The following ZDHHC2 variants were observed in gnomAD, a reference collection of about 807,000 sequenced individuals.
ZDHHC2 encodes zDHHC palmitoyltransferase 2.
A neutral mutation model predicts 55.6 loss-of-function variants in ZDHHC2; 51 were observed. The ratio of observed to expected loss-of-function variants is 0.92; its 90% CI spans 0.73 to 1.16. The LOEUF is 1.16. Among genes scored for constraint, ZDHHC2 ranks in the 50% most tolerant of loss-of-function variants. ZDHHC2 has a pLI of 0.00. For synonymous variants in ZDHHC2, 199 were observed against 152.9 expected, an observed-to-expected ratio of 1.30 and a Z score of -2.22; for missense variants, 491 against 442.4, an observed-to-expected ratio of 1.11 and a Z score of -0.99.
intron 10 of ZDHHC2, among the ~76,000 whole-genome samples, chr8:17,211,513 C>T (rs1235762286): frequency 1.3e-5 from 2 of 152,072 alleles, no homozygotes; most frequent in Admixed American, 1.3e-4. Flanking sequence ...AGTTTTGAGA[C>T]AGGGTCTCTC....
At chr8:17,203,915 G>T (rs1307016133) in intron 6 of ZDHHC2, among the ~76,000 whole-genome samples, 1 of 147,482 alleles carries the variant, frequency 6.8e-6, no homozygotes, top group African/African-American at 2.5e-5. Context: ...TCAAGCGATT[G>T]TCCTGCCTCG....
intron 1 of ZDHHC2, among the ~76,000 whole-genome samples, chr8:17,176,903 A>G (rs1248950722): frequency 6.6e-6 from 1 of 152,190 alleles, no homozygotes; most frequent in Non-Finnish European, 1.5e-5. Context: ...TAAAGAAAAT[A>G]AATTCAAAAA....
chr8:17,199,572 T>TCCCTCC (rs1286212288), intron 6 of ZDHHC2, among the ~76,000 whole-genome samples: 5 of 76,462 alleles, frequency 6.5e-5, no homozygotes, highest in African/African-American at 1.7e-4. Flanking sequence ...TTCTTCGTCT[T>TCCCTCC]TGTCTTCTTC....
At chr8:17,209,876 G>T in intron 8 of ZDHHC2, 56 bp from the exon 9 acceptor site, 1 of 1,516,800 alleles carries the variant, frequency 6.6e-7, no homozygotes, top group Admixed American at 2.3e-5. Context: ...TAAATATTCA[G>T]GATTGCTAGT....
At chr8:17,205,854 G>T in intron 7 of ZDHHC2, 79 bp downstream of exon 7, 1 of 1,378,332 alleles carries the variant, frequency 7.3e-7, no homozygotes, top group Non-Finnish European at 9.8e-7. Context: ...AATTATTTCC[G>T]ACACTGACTT....
rs118150130 is a variant in ZDHHC2 at position 17,210,996 on chromosome 8, G to C, written c.950+516G>C. The stretch of plus-strand genomic sequence containing the variant: ...AAGGATTATCTGAGCCATTTCTGTG[G>C]AGAGAGAAGCCAGAGTCTTAGAAAT... On this transcript the variant is annotated intron_variant, in intron 10 of 12. Transcript: ENST00000262096. Among the ~76,000 whole-genome samples the C allele has an allele frequency of 3.2e-3, 480 of 152,198 alleles. 4 individuals carry two copies. Among genetic ancestry groups the C allele is most frequent in the Middle Eastern group, 0.014 (4 of 294 alleles).
chr8:17,198,379 A>C lies in ZDHHC2; in HGVS notation c.444-2A>C. 6.2e-7 allele frequency: 1 copy of C among 1,601,526 alleles called. No homozygotes were observed. The highest frequency in any genetic ancestry group is 8.5e-7 in the Non-Finnish European group (1 of 1,174,418). ...GGTTTTGTGTTCTGCTTTGTTTTTT[A>C]GATGTATTTTGAAGATGGATCATCA... On this transcript the variant is annotated splice_acceptor_variant, in intron 5 of 12. Coordinates refer to ENST00000262096, the MANE Select transcript of ZDHHC2 (RefSeq NM_016353.5). LOFTEE classifies it high-confidence loss of function.
intron 7 of ZDHHC2, among the ~76,000 whole-genome samples, chr8:17,207,725 C>T (rs1807172135): frequency 6.6e-6 from 1 of 151,602 alleles, no homozygotes. Context: ...ATGAAAAACA[C>T]AGTTTATATT....
At chr8:17,199,509 T>TCTTCGTCTTCGTCTTCTG (rs1554466018) in intron 6 of ZDHHC2, among the ~76,000 whole-genome samples, 1 of 121,116 alleles carries the variant, frequency 8.3e-6, no homozygotes, top group African/African-American at 3.7e-5. Flanking sequence ...CTTCTTCTTC[T>TCTTCGTCTTCGTCTTCTG]TCTTCGTCTT....
At chr8:17,216,511 G>T (rs1807657400) in intron 11 of ZDHHC2, among the ~76,000 whole-genome samples, 1 of 152,112 alleles carries the variant, frequency 6.6e-6, no homozygotes, top group Non-Finnish European at 1.5e-5. Context: ...AACAAAAGTT[G>T]ATGACACTGA....
intron 6 of ZDHHC2, among the ~76,000 whole-genome samples, chr8:17,205,410 T>G (rs1807050231): frequency 6.6e-6 from 1 of 152,238 alleles, no homozygotes; most frequent in Admixed American, 6.5e-5. Flanking sequence ...TAATTTGAGA[T>G]GACATGCAGT....
At position 17,222,844 on chromosome 8, in the gene ZDHHC2, C is replaced by T. The variant is rs1283295365; in HGVS notation, c.*2623C>T. The T allele has an allele frequency of 6.6e-6, 1 of 151,750 alleles. No individual in the cohort carries two copies. The highest frequency in any genetic ancestry group is 1.9e-4 in the East Asian group (1 of 5,190). The allele number at this position is 151,750 out of a possible 1,614,324, so 9.4% of individuals were successfully genotyped here. A position where few individuals can be genotyped will look rare whatever the true frequency, so the allele number is the denominator to read the frequency against. On this transcript the variant is annotated 3_prime_UTR_variant, in exon 13 of 13. Coordinates refer to ENST00000262096, the MANE Select transcript of ZDHHC2 (RefSeq NM_016353.5). ...GAGCTACTAATGGCAAAATTCATGTCTTCAATGTGGCCATAACATAGGTCT... is the reference window on the plus strand; with the variant it reads ...GAGCTACTAATGGCAAAATTCATGTTTTCAATGTGGCCATAACATAGGTCT...
rs187957027 is a variant in ZDHHC2 at position 17,211,158 on chromosome 8, A to G, written c.950+678A>G. ...ACTGGCAAAAGGAAAAGTTACTTAA[A>G]CTTTTAAAATGCTATGTATGAATTT... On this transcript the variant is annotated intron_variant, in intron 10 of 12. Coordinates refer to ENST00000262096, the MANE Select transcript of ZDHHC2 (RefSeq NM_016353.5). Among the ~76,000 whole-genome samples, 173 of 152,296 alleles carry G rather than the reference A, an allele frequency of 1.1e-3. No homozygotes were observed. The Middle Eastern group carries it at 0.017, about 15-fold the overall frequency.
chr8:17,158,350 T>C (rs1356596593), intron 1 of ZDHHC2, among the ~76,000 whole-genome samples: 3 of 152,240 alleles, frequency 2.0e-5, no homozygotes, highest in Non-Finnish European at 4.4e-5. Flanking sequence ...TCGATTAATA[T>C]AACCTGCAAA....
chr8:17,215,782 A>G lies in ZDHHC2; in HGVS notation c.1063+433A>G, dbSNP rs150093960. Among the ~76,000 whole-genome samples the G allele has an allele frequency of 1.4e-3, 218 of 152,316 alleles. 3 individuals are homozygous for G. Among genetic ancestry groups the G allele is most frequent in the African/African-American group, 5.0e-3 (206 of 41,576 alleles). ...TGTCTGAGTAAAGTTACTGTGTACC[A>G]TAAGTTCAGCTGCCTGCGATTTCTT... On this transcript the variant is annotated intron_variant, in intron 11 of 12. Coordinates refer to ENST00000262096, the MANE Select transcript of ZDHHC2 (RefSeq NM_016353.5).
rs548916785 is a variant in ZDHHC2, at chr8:17,210,780, A to C, written c.950+300A>C. On this transcript the variant is annotated intron_variant, in intron 10 of 12. Coordinates refer to ENST00000262096, the MANE Select transcript of ZDHHC2 (RefSeq NM_016353.5). ...TTAAAAGAAAAAAAAATGTAAGTCA[A>C]AATTAGCTACCCACTGCTCAGGTAG... is the stretch of plus-strand genomic sequence containing the variant. Among the ~76,000 whole-genome samples, 6 of 152,308 alleles carry C rather than the reference A, an allele frequency of 3.9e-5. No individual in the cohort carries two copies. In the South Asian group the frequency reaches 1.0e-3, roughly 26 times the overall value.
intron 3 of ZDHHC2, among the ~76,000 whole-genome samples, chr8:17,194,473 G>C (rs577805635): frequency 2.0e-5 from 3 of 151,504 alleles, no homozygotes; most frequent in African/African-American, 7.2e-5. Context: ...CATCTCTGCT[G>C]TGCATCTCCC....
intron 6 of ZDHHC2, among the ~76,000 whole-genome samples, chr8:17,204,900 T>C (rs1466199458): frequency 6.6e-6 from 1 of 152,158 alleles, no homozygotes; most frequent in East Asian, 1.9e-4. Context: ...TATTTGTACT[T>C]AGGTTTATTG....
rs1467150823 is a variant in ZDHHC2, at chr8:17,156,824, A to G, written c.101A>G (p.Tyr34Cys). Residue 34 changes from tyrosine to cysteine, a missense_variant, in exon 1 of 13, where the codon TAC (tyrosine) becomes TGC (cysteine). Physicochemically the swap from Tyr to Cys is radical, Grantham distance 194 (BLOSUM62 -2). Coordinates refer to ENST00000262096, the MANE Select transcript of ZDHHC2 (RefSeq NM_016353.5). ...VFITLLLGWSYYAYAIQLCIV... is the reference protein window; with the variant it reads ...VFITLLLGWSCYAYAIQLCIV... ...ATCACCCTCCTGCTCGGCTGGTCCT[A>G]CTACGCCTACGCCATCCAGCTGTGC... is the stretch of plus-strand genomic sequence containing the variant. 1.3e-6 allele frequency: 2 copies of G among 1,519,390 alleles called. No individual in the cohort carries two copies. Among genetic ancestry groups the G allele is most frequent in the Non-Finnish European group, 1.8e-6 (2 of 1,132,266 alleles). The allele number at this position is 1,519,390 out of a possible 1,614,324, so 94.1% of individuals were successfully genotyped here. A position where few individuals can be genotyped will look rare whatever the true frequency, so the allele number is the denominator to read the frequency against.
Sources: allele counts gnomAD v4.1 joint callset (sites outside exome capture counted in the v4.1 genomes callset), GRCh38; gene constraint gnomAD v4.1.1; transcripts MANE v1.5; gene names NCBI Gene and HGNC (gene_info 2026-07-23, HGNC 2026-07-21).